NKAPD1: variants seen among roughly 807,000 people sequenced by gnomAD.
NKAPD1 encodes the protein uncharacterized protein NKAPD1.
A neutral mutation model predicts 30.9 loss-of-function variants in NKAPD1; 12 were observed. The ratio of observed to expected loss-of-function variants is 0.39; its 90% CI spans 0.25 to 0.63. The LOEUF (loss-of-function observed/expected upper bound fraction) is 0.63. Among genes scored for constraint, NKAPD1 ranks in the 20% least tolerant of loss-of-function variants. The pLI is 0.51. For synonymous variants in NKAPD1, 91 were observed against 113.6 expected, an observed-to-expected ratio of 0.80 and a Z score of 1.26; for missense variants, 311 against 344.5, an observed-to-expected ratio of 0.90 and a Z score of 0.77.
In NKAPD1 at chr11:112,082,989, T is replaced by G. The variant is rs1202438277; in HGVS notation, c.*17T>G. ...GATGACTAAATGGGAAACACTTTTGTTTTCCACATGACTGTGGATATTTAC... is the reference window on the plus strand; with the variant it reads ...GATGACTAAATGGGAAACACTTTTGGTTTCCACATGACTGTGGATATTTAC... On this transcript the variant is annotated 3_prime_UTR_variant, in exon 6 of 6. Coordinates refer to ENST00000393047, the MANE Select transcript of NKAPD1 (RefSeq NM_018195.4). The G allele has an allele frequency of 6.3e-7, 1 of 1,575,954 alleles. No individual in the cohort carries two copies. Among genetic ancestry groups the G allele is most frequent in the African/African-American group, 1.4e-5 (1 of 72,718 alleles).
intron 2 of NKAPD1, among the ~76,000 whole-genome samples, chr11:112,077,830 G>A (rs1339786470): frequency 6.7e-6 from 1 of 148,492 alleles, no homozygotes; most frequent in Non-Finnish European, 1.5e-5. Flanking sequence ...TGTATTTTCA[G>A]TTAGTTGCTT....
rs772496253 is a variant in NKAPD1 at position 112,078,310 on chromosome 11, T to G, written c.165T>G (p.Ser55Arg). ...CCAAAAGGAAAATGCTACCCAGCAG[T>G]TCAAGGTGAAGTTGCAGCTCTGAGA... Reference protein sequence around the residue: ...RGTKRKMLPSSSSRMRSDGFD... With the variant: ...RGTKRKMLPSRSSRMRSDGFD... The change falls in exon 3 of 6, where the codon AGT becomes AGG. Residue 55 changes from serine to arginine, a missense_variant. Physicochemically the swap from Ser to Arg is moderately radical, Grantham distance 110. Transcript: ENST00000393047. The G allele has an allele frequency of 1.2e-6, 2 of 1,608,960 alleles. No individual in the cohort carries two copies. The highest frequency in any genetic ancestry group is 1.7e-6 in the Non-Finnish European group (2 of 1,176,754).
intron 4 of NKAPD1, 169 bp from the exon 5 acceptor site, chr11:112,081,813 T>A: frequency 1.6e-6 from 1 of 623,862 alleles, no homozygotes; most frequent in Non-Finnish European, 2.9e-6. Context: ...TAGTGTACAG[T>A]ACAGGAAATG....
At chr11:112,075,278 T>C (rs558713963) in intron 1 of NKAPD1, among the ~76,000 whole-genome samples, 82 of 152,318 alleles carry the variant, frequency 5.4e-4, no homozygotes, top group Non-Finnish European at 9.0e-4. Context: ...TTGCCTCATA[T>C]AAAAAGTAGT....
In NKAPD1 at chr11:112,081,962, T is replaced by A. The variant is rs1399471896; in HGVS notation, c.321-20T>A. ...ATGTATGCATTGCTTTAACAATACA[T>A]GTGATGTGTCATATTACAGATGGGG... On this transcript the variant is annotated intron_variant, in intron 4 of 5. Transcript: ENST00000393047. The A allele has an allele frequency of 3.7e-6, 6 of 1,606,622 alleles. No homozygotes were observed. The highest frequency in any genetic ancestry group is 4.3e-6 in the Non-Finnish European group (5 of 1,174,130).
chr11:112,074,451 T>G lies in NKAPD1; in HGVS notation c.-474T>G. 1 of 399,178 alleles carries G rather than the reference T, an allele frequency of 2.5e-6. No individual in the cohort carries two copies. Among genetic ancestry groups the G allele is most frequent in the Non-Finnish European group, 4.4e-6 (1 of 226,202 alleles). The allele number at this position is 399,178 out of a possible 1,614,324, so 24.7% of individuals were successfully genotyped here. A position where few individuals can be genotyped will look rare whatever the true frequency, so the allele number is the denominator to read the frequency against. ...GGCCGCTGGGGAACAGGGATCCCGG[T>G]GACAAAGATGGGGATATTTCCTCTG... is the stretch of plus-strand genomic sequence containing the variant. On this transcript the variant is annotated 5_prime_UTR_variant, in exon 1 of 6. The change abolishes the stop of an existing upstream ORF in the 5' untranslated region. Transcript: ENST00000393047.
At chr11:112,081,525 C>T (rs573945494) in intron 4 of NKAPD1, 12 of 155,918 alleles carry the variant, frequency 7.7e-5, no homozygotes, top group African/African-American at 1.2e-4. Flanking sequence ...CCCAGCTACT[C>T]GGGAGGCTAA....
At chr11:112,075,721 G>C (rs760822474) in intron 2 of NKAPD1, 78 bp downstream of exon 2, 115 of 1,438,444 alleles carry the variant, frequency 8.0e-5, no homozygotes, top group Non-Finnish European at 1.1e-4. Context: ...GGAACAACTG[G>C]GAGATACAAA....
At chr11:112,081,630 C>CA (rs59827110) in intron 4 of NKAPD1, 134,928 of 159,760 alleles carry the variant, frequency 0.84, 57,462 homozygotes, top group East Asian at 0.96. Context: ...GACTCCATCT[C>CA]AAAAAAAAAA....
At position 112,080,489 on chromosome 11, in the gene NKAPD1, A is replaced by C; in HGVS notation, c.251A>C (p.Glu84Ala). The C allele has an allele frequency of 6.2e-7, 1 of 1,614,074 alleles. No homozygotes were observed. Among genetic ancestry groups the C allele is most frequent in the Non-Finnish European group, 8.5e-7 (1 of 1,179,998 alleles). Reference protein sequence around the residue: ...RPKNEISGTLEDDFLKAKSWN... With the variant: ...RPKNEISGTLADDFLKAKSWN... Reference sequence around the variant, plus strand: ...AAGAATGAAATTTCTGGGACACTGGAAGATGATTTTCTTAAGGCTAAATCC... The same window carrying C: ...AAGAATGAAATTTCTGGGACACTGGCAGATGATTTTCTTAAGGCTAAATCC... Residue 84 changes from glutamate to alanine, a missense_variant, in exon 4 of 6, where the codon GAA becomes GCA. By Grantham distance (107) the Glu-to-Ala change is moderately radical. Transcript: ENST00000393047.
At chr11:112,081,630 CAAAAA>C (rs59827110) in intron 4 of NKAPD1, 4 of 159,720 alleles carry the variant, frequency 2.5e-5, no homozygotes, top group South Asian at 2.4e-4. Flanking sequence ...GACTCCATCT[CAAAAA>C]AAAAAAAAAA....
chr11:112,082,519 A>G lies in NKAPD1; in HGVS notation c.429A>G (p.Ser143=), dbSNP rs938583221. 3 of 1,607,702 alleles carry G rather than the reference A, an allele frequency of 1.9e-6. No individual in the cohort carries two copies. Among genetic ancestry groups the G allele is most frequent in the Non-Finnish European group, 8.5e-7 (1 of 1,178,782 alleles). Reference sequence around the variant, plus strand: ...AGAAAACATCTCCCCAGGTAAAGTCATCTACCCATGAATCCCGCAAACACA... The same window carrying G: ...AGAAAACATCTCCCCAGGTAAAGTCGTCTACCCATGAATCCCGCAAACACA... ...NGKKTSPQVK[S]STHESRKHKK... The change falls in exon 6 of 6, where the codon TCA becomes TCG. Residue 143 remains serine (S), a synonymous_variant. Transcript: ENST00000393047.
chr11:112,079,011 C>T (rs59832153), intron 3 of NKAPD1, among the ~76,000 whole-genome samples: 16,321 of 152,176 alleles, frequency 0.11, 2,602 homozygotes, highest in African/African-American at 0.35. Flanking sequence ...GATCCTTACA[C>T]GCTTGTAAGT....
Position 112,074,753 on chromosome 11 carries a change from G to C in NKAPD1, c.-172G>C. The C allele has an allele frequency of 2.8e-6, 1 of 358,818 alleles. No individual in the cohort carries two copies. The highest frequency in any genetic ancestry group is 5.0e-6 in the Non-Finnish European group (1 of 200,924). The allele number at this position is 358,818 out of a possible 1,614,324, so 22.2% of individuals were successfully genotyped here. ...GCAGTGGCCTGGGCCACAGGTGAGG[G>C]CAGAGTAACCAGTGGGAAGGCTGCG... On this transcript the variant is annotated 5_prime_UTR_variant, in exon 1 of 6. Coordinates refer to ENST00000393047, the MANE Select transcript of NKAPD1 (RefSeq NM_018195.4).
intron 3 of NKAPD1, among the ~76,000 whole-genome samples, chr11:112,079,757 A>C (rs1039051009): frequency 2.0e-5 from 3 of 151,856 alleles, no homozygotes; most frequent in Non-Finnish European, 4.4e-5. Flanking sequence ...AGTTGATTTC[A>C]TCTCTCTATG....
At chr11:112,082,125 G>A in intron 5 of NKAPD1, 90 bp downstream of exon 5, 1 of 1,121,894 alleles carries the variant, frequency 8.9e-7, no homozygotes, top group Non-Finnish European at 1.3e-6. Flanking sequence ...GAATATACTT[G>A]CCATCAAAAA....
rs954695300 is a variant in NKAPD1, at chr11:112,080,315, C to G, written c.171-94C>G. The G allele has an allele frequency of 3.4e-5, 43 of 1,267,412 alleles. No individual in the cohort carries two copies. In the African/African-American group the frequency reaches 5.9e-4, roughly 17 times the overall value. 78.5% of individuals were successfully genotyped at this position (1,267,412 alleles called of 1,614,324 possible). ...ACAGTATCATGTTGTTTCCTTCCCC[C>G]TCAGCTTGTTCCATGAGTTTTGTGC... is the stretch of plus-strand genomic sequence containing the variant. On this transcript the variant is annotated intron_variant, in intron 3 of 5. Coordinates refer to ENST00000393047, the MANE Select transcript of NKAPD1 (RefSeq NM_018195.4).
chr11:112,078,725 T>G lies in NKAPD1; in HGVS notation c.170+410T>G, dbSNP rs189478706. ...GGTGCATGCCACTATGCCTAGCTAC[T>G]TTTTTTTTGTAGAGGTGGTGTCTTG... On this transcript the variant is annotated intron_variant, in intron 3 of 5. Coordinates refer to ENST00000393047, the MANE Select transcript of NKAPD1 (RefSeq NM_018195.4). 7.3e-5 allele frequency among the ~76,000 whole-genome samples: 11 copies of G among 151,684 alleles called. No homozygotes were observed. In the East Asian group the frequency reaches 2.1e-3, roughly 29 times the overall value.
Position 112,080,740 on chromosome 11 carries a change from C to T in NKAPD1, c.320+182C>T, listed in dbSNP as rs77892090. Reference sequence around the variant, plus strand: ...AACTGATGAATGGGTAAACAAAATGCGATATATCCATACAATGGAATATTA... The same window carrying T: ...AACTGATGAATGGGTAAACAAAATGTGATATATCCATACAATGGAATATTA... On this transcript the variant is annotated intron_variant, in intron 4 of 5. Coordinates refer to ENST00000393047, the MANE Select transcript of NKAPD1 (RefSeq NM_018195.4). 0.022 allele frequency: 12,980 copies of T among 601,850 alleles called. 189 individuals carry two copies. Among genetic ancestry groups the T allele is most frequent in the Non-Finnish European group, 0.028 (9,874 of 350,746 alleles). The allele number at this position is 601,850 out of a possible 1,614,324, so 37.3% of individuals were successfully genotyped here.
Sources: gnomAD v4.1 joint callset for allele counts (sites outside exome capture counted in the v4.1 genomes callset) on GRCh38, gnomAD v4.1.1 for gene constraint, MANE v1.5 for transcripts, NCBI Gene and HGNC (gene_info 2026-07-23, HGNC 2026-07-21) for gene names.